The following CEP128 variants were observed in gnomAD, a reference collection of about 807,000 sequenced individuals.
CEP128 encodes the protein centrosomal protein 128, also known as centrosomal protein 128kDa.
A neutral mutation model predicts 156.7 loss-of-function variants in CEP128; 132 were observed. The observed-to-expected ratio is 0.84, with a 90% CI of 0.73 to 0.97. The LOEUF is 0.97. Among genes scored for constraint, CEP128 ranks in the 50% least tolerant of loss-of-function variants. CEP128 has a pLI of 0.00. For synonymous variants in CEP128, 469 were observed against 448.9 expected (o/e 1.04, Z -0.57); for missense variants, 1,252 against 1,281.9 (o/e 0.98, Z 0.36).
At chr14:80,715,162 G>GTGAC (rs1897558291) in intron 19 of CEP128, among the ~76,000 whole-genome samples, 1 of 152,056 alleles carries the variant, frequency 6.6e-6, no homozygotes, top group Non-Finnish European at 1.5e-5. Flanking sequence ...GGTCAAGGCT[G>GTGAC]CAGTGAGCTG....
chr14:80,914,032 A>C (rs1010701800), intron 4 of CEP128, among the ~76,000 whole-genome samples: 2 of 152,196 alleles, frequency 1.3e-5, no homozygotes, highest in African/African-American at 4.8e-5. Flanking sequence ...TTAACTCTAC[A>C]TGAGGGGTCT....
At chr14:80,606,637 A>T (rs964188777) in intron 19 of CEP128, among the ~76,000 whole-genome samples, 3 of 152,154 alleles carry the variant, frequency 2.0e-5, no homozygotes, top group Non-Finnish European at 4.4e-5. Flanking sequence ...TAAAGTAGAA[A>T]ATGTTATCTT....
At chr14:80,677,007 A>G (rs1165540461) in intron 19 of CEP128, among the ~76,000 whole-genome samples, 2 of 152,190 alleles carry the variant, frequency 1.3e-5, no homozygotes, top group Non-Finnish European at 1.5e-5. Context: ...TTGGCCTCAC[A>G]TTTAGACTAT....
At chr14:80,626,616 C>T (rs2140695872) in intron 19 of CEP128, among the ~76,000 whole-genome samples, 1 of 152,148 alleles carries the variant, frequency 6.6e-6, no homozygotes, top group East Asian at 1.9e-4. Flanking sequence ...CCACTAGAAG[C>T]TGAAAAGGGC....
rs574785119 is a variant in CEP128 at position 80,860,555 on chromosome 14, C to T, written c.762+2202G>A. Among the ~76,000 whole-genome samples the T allele has an allele frequency of 7.4e-4, 112 of 151,940 alleles. 1 individual carries two copies. The highest frequency in any genetic ancestry group is 2.6e-3 in the African/African-American group (107 of 41,470). ...CTCTTGCAGAAAAGAACAATTGTCT[C>T]TTTAGTACTATTCTTATGCTCACCA... On this transcript the variant is annotated intron_variant, in intron 9 of 24. Transcript: ENST00000555265.
intron 23 of CEP128, among the ~76,000 whole-genome samples, chr14:80,520,479 G>A (rs573473391): frequency 6.6e-6 from 1 of 151,758 alleles, no homozygotes; most frequent in South Asian, 2.1e-4. Flanking sequence ...ACAGACTTAT[G>A]AAAATACTAT....
downstream of CEP128, among the ~76,000 whole-genome samples, chr14:80,489,688 G>A (rs1365463490): frequency 6.6e-6 from 1 of 150,468 alleles, no homozygotes; most frequent in Non-Finnish European, 1.5e-5. Flanking sequence ...TGAGGAGAAA[G>A]TGAATCAGCC....
At chr14:80,826,932 T>C (rs1202360680) in intron 13 of CEP128, among the ~76,000 whole-genome samples, 1 of 152,228 alleles carries the variant, frequency 6.6e-6, no homozygotes, top group African/African-American at 2.4e-5. Context: ...GAGGTTCAAC[T>C]TGAGTTTACA....
At chr14:80,894,727 T>C (rs972117925) in intron 8 of CEP128, 25 of 329,900 alleles carry the variant, frequency 7.6e-5, no homozygotes, top group African/African-American at 5.4e-4. Flanking sequence ...GCCAAGTGTT[T>C]ATTCATATTT....
At chr14:80,831,014 T>G (rs1885760441) in intron 13 of CEP128, 129 bp downstream of exon 13, 2 of 796,466 alleles carry the variant, frequency 2.5e-6, no homozygotes, top group Non-Finnish European at 4.1e-6. Context: ...GTCATTAATA[T>G]AACTTTATAT....
At chr14:80,714,201 T>G (rs1344432943) in intron 19 of CEP128, among the ~76,000 whole-genome samples, 2 of 152,154 alleles carry the variant, frequency 1.3e-5, no homozygotes, top group East Asian at 3.9e-4. Context: ...AGGCCATGTT[T>G]TCATTAAAGC....
intron 23 of CEP128, among the ~76,000 whole-genome samples, chr14:80,520,700 T>A (rs117744612): frequency 0.029 from 4,360 of 152,172 alleles, 100 homozygotes; most frequent in Non-Finnish European, 0.043. Context: ...TAGATAAAAA[T>A]TTGCCATAAA....
At chr14:80,810,942 C>G (rs916501966) in intron 13 of CEP128, among the ~76,000 whole-genome samples, 6 of 152,196 alleles carry the variant, frequency 3.9e-5, no homozygotes, top group Non-Finnish European at 1.5e-5. Context: ...TCTCCCTCCC[C>G]TAATGCCCCC....
chr14:80,921,535 AAAC>A (rs1884860537), intron 2 of CEP128, among the ~76,000 whole-genome samples: 1 of 152,218 alleles, frequency 6.6e-6, no homozygotes, highest in Non-Finnish European at 1.5e-5. Flanking sequence ...ATTCTCTTAT[AAAC>A]AACAGAAAAT....
In CEP128 at chr14:80,949,179, G is replaced by C. The variant is rs952664357; in HGVS notation, c.-172+8999C>G. Among the ~76,000 whole-genome samples the C allele has an allele frequency of 1.5e-4, 23 of 152,256 alleles. No homozygotes were observed. In the East Asian group the frequency reaches 3.9e-3, roughly 26 times the overall value. The stretch of plus-strand genomic sequence containing the variant: ...CCAAGAAAGACCATGATCCCTGAAA[G>C]ACAGGAAACAAATAAAGCAAGCCTT... On this transcript the variant is annotated intron_variant, in intron 2 of 7. Transcript: ENST00000555529.
At chr14:80,838,890 G>C (rs911710484) in intron 10 of CEP128, among the ~76,000 whole-genome samples, 1 of 152,008 alleles carries the variant, frequency 6.6e-6, no homozygotes, top group South Asian at 2.1e-4. Context: ...ACCAGTTCAG[G>C]AGATCAAGAC....
chr14:80,519,991 T>C (rs1048602527), intron 23 of CEP128, among the ~76,000 whole-genome samples: 1 of 152,208 alleles, frequency 6.6e-6, no homozygotes, highest in African/African-American at 2.4e-5. Flanking sequence ...CACCAGATCA[T>C]CTCTAAGTCC....
At chr14:80,815,891 C>T (rs571173899) in intron 13 of CEP128, among the ~76,000 whole-genome samples, 20 of 152,132 alleles carry the variant, frequency 1.3e-4, no homozygotes, top group African/African-American at 4.8e-4. Context: ...TACACATGGA[C>T]ATAGAGTGTG....
intron 13 of CEP128, among the ~76,000 whole-genome samples, chr14:80,804,944 A>G (rs1884088077): frequency 6.6e-6 from 1 of 152,160 alleles, no homozygotes; most frequent in East Asian, 1.9e-4. Context: ...AAGGCTGCTC[A>G]AGGGCAATGA....
Sources: gnomAD v4.1 joint callset for allele counts (sites outside exome capture counted in the v4.1 genomes callset) on GRCh38, gnomAD v4.1.1 for gene constraint, MANE v1.5 for transcripts, NCBI Gene and HGNC (gene_info 2026-07-23, HGNC 2026-07-21) for gene names.